The following TBCE variants were observed in gnomAD, a reference collection of about 807,000 sequenced individuals.
The protein encoded by TBCE is tubulin-specific chaperone E.
TBCE carries 53 observed loss-of-function variants against 77.0 expected under a neutral mutation model. That is an observed-to-expected ratio of 0.69 (90% CI 0.55 to 0.87). The LOEUF is 0.87. Ranked by LOEUF, TBCE falls within the 40% of genes least tolerant of loss-of-function variation. The probability of loss-of-function intolerance (pLI) is 0.00; values close to 1 mark genes in which losing one functional copy is unlikely to be tolerated. For missense variants in TBCE, 624 were observed against 622.4 expected (o/e 1.00, Z -0.03); for synonymous variants, 235 against 241.3 (o/e 0.97, Z 0.24).
intron 16 of TBCE, 82 bp from the exon 17 acceptor site, chr1:235,448,588 C>CG: frequency 7.3e-7 from 1 of 1,378,588 alleles, no homozygotes; most frequent in Non-Finnish European, 1.0e-6. Context: ...TGCCTGGGGA[C>CG]GGGGTGGGGG....
At chr1:235,448,267 T>C (rs1336810673) in intron 15 of TBCE, 82 bp from the exon 16 acceptor site, 5 of 939,824 alleles carry the variant, frequency 5.3e-6, no homozygotes, top group Non-Finnish European at 8.7e-6. Flanking sequence ...ATTGCAATGA[T>C]ACTGTGGTCT....
In TBCE at chr1:235,449,036, TATTAA is replaced by T. The variant is rs1682709518; in HGVS notation, c.*277_*281del. 1 of 356,552 alleles carries T rather than the reference TATTAA, an allele frequency of 2.8e-6. No homozygotes were observed. Among genetic ancestry groups the T allele is most frequent in the South Asian group, 2.5e-5 (1 of 39,796 alleles). The allele number at this position is 356,552 out of a possible 1,614,324, so 22.1% of individuals were successfully genotyped here. ...ACTGCATTTCATGATAAGATTTAAA[TATTAA>T]ATAGAAAGAAACTAGCTAGCCTAAT... is the stretch of plus-strand genomic sequence containing the variant. On this transcript the variant is annotated 3_prime_UTR_variant, in exon 17 of 17. Transcript: ENST00000642610.
intron 14 of TBCE, among the ~76,000 whole-genome samples, chr1:235,442,129 C>T (rs1413607498): frequency 6.6e-6 from 1 of 151,860 alleles, no homozygotes; most frequent in Non-Finnish European, 1.5e-5. Context: ...CTGCCTCAGC[C>T]TCTGGAGTAG....
intron 15 of TBCE, among the ~76,000 whole-genome samples, chr1:235,445,678 T>A (rs1304031148): frequency 2.6e-5 from 4 of 151,978 alleles, no homozygotes; most frequent in African/African-American, 9.7e-5. Flanking sequence ...TCTTTTTTTT[T>A]ATCCATTAGA....
At chr1:235,374,432 G>A (rs1236618256) in intron 1 of TBCE, among the ~76,000 whole-genome samples, 1 of 146,252 alleles carries the variant, frequency 6.8e-6, no homozygotes, top group Non-Finnish European at 1.5e-5. Context: ...TGTTTACCCT[G>A]GTAGAGAGGT....
intron 4 of TBCE, among the ~76,000 whole-genome samples, chr1:235,416,357 T>A (rs981210668): frequency 1.3e-4 from 19 of 151,496 alleles, no homozygotes; most frequent in African/African-American, 2.4e-4. Flanking sequence ...ACAAAAAAAA[T>A]AAATAAATAA....
At chr1:235,393,932 A>T (rs1572351113) in intron 2 of TBCE, among the ~76,000 whole-genome samples, 3 of 152,316 alleles carry the variant, frequency 2.0e-5, no homozygotes, top group African/African-American at 7.2e-5. Context: ...TGACAGACAC[A>T]CCGTGGTATT....
chr1:235,436,362 C>T, intron 9 of TBCE, 24 bp from the exon 10 acceptor site: 4 of 1,606,424 alleles, frequency 2.5e-6, no homozygotes, highest in Non-Finnish European at 3.4e-6. Context: ...TCTGTGTAAT[C>T]AAATTGTACA....
At chr1:235,440,765 C>T (rs1681826615) in intron 13 of TBCE, 1 of 152,146 alleles carries the variant, frequency 6.6e-6, no homozygotes, top group African/African-American at 2.4e-5. Context: ...TGTAGTTCTG[C>T]AGTAAGCTCT....
At chr1:235,416,726 A>C (rs1680135725) in intron 4 of TBCE, among the ~76,000 whole-genome samples, 1 of 152,184 alleles carries the variant, frequency 6.6e-6, no homozygotes, top group Non-Finnish European at 1.5e-5. Context: ...CATTGCATTT[A>C]ATCATTAGCT....
intron 15 of TBCE, among the ~76,000 whole-genome samples, chr1:235,447,224 A>T (rs898767900): frequency 6.6e-6 from 1 of 152,222 alleles, no homozygotes; most frequent in Non-Finnish European, 1.5e-5. Context: ...TTTTATTCTA[A>T]AATAAAGAAC....
At chr1:235,391,565 G>T (rs1678392311) in intron 2 of TBCE, among the ~76,000 whole-genome samples, 1 of 138,064 alleles carries the variant, frequency 7.2e-6, no homozygotes. Context: ...TTTAACAATT[G>T]TTAACATGTT....
At chr1:235,448,254 A>G in intron 15 of TBCE, 95 bp from the exon 16 acceptor site, 1 of 913,986 alleles carries the variant, frequency 1.1e-6, no homozygotes, top group South Asian at 1.3e-5. Flanking sequence ...AGATACAGCT[A>G]TCATTGCAAT....
intron 2 of TBCE, among the ~76,000 whole-genome samples, chr1:235,390,959 C>T (rs1198399533): frequency 6.6e-6 from 1 of 151,998 alleles, no homozygotes; most frequent in Non-Finnish European, 1.5e-5. Context: ...GTTCATCTTA[C>T]ATTTCTTGCT....
chr1:235,439,680 G>A (rs943920450), intron 13 of TBCE, among the ~76,000 whole-genome samples: 2 of 151,480 alleles, frequency 1.3e-5, no homozygotes, highest in African/African-American at 4.8e-5. Context: ...TAGAGACGGG[G>A]TTTCACCATA....
chr1:235,421,141 G>T (rs1680377732), intron 5 of TBCE, among the ~76,000 whole-genome samples: 1 of 152,174 alleles, frequency 6.6e-6, no homozygotes, highest in Non-Finnish European at 1.5e-5. Flanking sequence ...GGGCATGGTG[G>T]CTCATGCTGG....
chr1:235,431,465 G>A (rs933072029), intron 7 of TBCE, among the ~76,000 whole-genome samples: 3 of 151,494 alleles, frequency 2.0e-5, no homozygotes, highest in Non-Finnish European at 2.9e-5. Context: ...AGGTTCAAGC[G>A]ATTCTCCCAC....
chr1:235,383,216 T>G (rs1677787244), intron 2 of TBCE, among the ~76,000 whole-genome samples: 2 of 150,992 alleles, frequency 1.3e-5, no homozygotes, highest in Non-Finnish European at 3.0e-5. Context: ...TTGGTTACTG[T>G]AGCCTTGTAG....
intron 3 of TBCE, among the ~76,000 whole-genome samples, chr1:235,411,762 C>T (rs766746622): frequency 2.2e-4 from 34 of 152,066 alleles, no homozygotes; most frequent in Non-Finnish European, 4.0e-4. Flanking sequence ...GATTTAATTT[C>T]CTGCATAATC....
Sources: allele counts gnomAD v4.1 joint callset (sites outside exome capture counted in the v4.1 genomes callset), GRCh38; gene constraint gnomAD v4.1.1; transcripts MANE v1.5; gene names NCBI Gene and HGNC (gene_info 2026-07-23, HGNC 2026-07-21).